The following MPC2 variants were observed in gnomAD, a reference collection of about 807,000 sequenced individuals.
MPC2 encodes brain protein 44.
In MPC2, 19 loss-of-function variants were observed where a neutral mutation model predicts 19.2. That is an observed-to-expected ratio of 0.99 (90% CI 0.69 to 1.45). MPC2 has a LOEUF of 1.45. MPC2 is among the 40% of genes most tolerant of loss of function. The pLI, the probability that MPC2 is intolerant of heterozygous loss-of-function variation, is 0.00. For missense variants in MPC2, 122 were observed against 153.0 expected, an observed-to-expected ratio of 0.80 and a Z score of 1.07; for synonymous variants, 61 against 54.3, an observed-to-expected ratio of 1.12 and a Z score of -0.54.
intron 2 of MPC2, among the ~76,000 whole-genome samples, chr1:167,931,343 G>A (rs1250040302): frequency 6.6e-6 from 1 of 152,032 alleles, no homozygotes; most frequent in Non-Finnish European, 1.5e-5. Context: ...TATACAATAG[G>A]CCCTCAATAA....
intron 2 of MPC2, among the ~76,000 whole-genome samples, chr1:167,931,361 A>G (rs1439735948): frequency 6.6e-6 from 1 of 152,210 alleles, no homozygotes; most frequent in East Asian, 1.9e-4. Context: ...TAAATATTGA[A>G]TAATTCAACC....
intron 2 of MPC2, among the ~76,000 whole-genome samples, chr1:167,933,589 A>G (rs1670974944): frequency 1.3e-5 from 2 of 152,386 alleles, no homozygotes; most frequent in South Asian, 4.1e-4. Context: ...ATATCATTTA[A>G]TAAACTCCTT....
At chr1:167,921,685 T>C (rs933885466) in intron 3 of MPC2, among the ~76,000 whole-genome samples, 8 of 152,220 alleles carry the variant, frequency 5.3e-5, no homozygotes, top group African/African-American at 1.9e-4. Context: ...ATGCCAGTTT[T>C]ACTTGTTAAT....
chr1:167,918,453 T>C, intron 5 of MPC2, 94 bp from the exon 6 acceptor site: 1 of 794,720 alleles, frequency 1.3e-6, no homozygotes, highest in Non-Finnish European at 2.0e-6. Context: ...TTCTTCTTTC[T>C]TGGTGGTCAA....
At chr1:167,927,345 A>C (rs2102546381) in intron 2 of MPC2, among the ~76,000 whole-genome samples, 3 of 152,286 alleles carry the variant, frequency 2.0e-5, no homozygotes, top group African/African-American at 7.2e-5. Flanking sequence ...AACTCTCTGG[A>C]AATTTAGGGT....
At chr1:167,925,300 C>A (rs1397111614) in intron 2 of MPC2, among the ~76,000 whole-genome samples, 2 of 151,508 alleles carry the variant, frequency 1.3e-5, no homozygotes, top group Non-Finnish European at 2.9e-5. Flanking sequence ...ACTATTCATA[C>A]TTGTACCCCT....
chr1:167,934,774 C>T (rs1055014306), intron 2 of MPC2, among the ~76,000 whole-genome samples: 11 of 152,186 alleles, frequency 7.2e-5, no homozygotes, highest in African/African-American at 2.7e-4. Flanking sequence ...CAATTTACAA[C>T]ACATTTTCTA....
intron 2 of MPC2, among the ~76,000 whole-genome samples, chr1:167,930,994 C>T (rs1670891697): frequency 6.6e-6 from 1 of 152,206 alleles, no homozygotes; most frequent in African/African-American, 2.4e-5. Flanking sequence ...TGCAGTGGCA[C>T]GATCTTGGCT....
intron 5 of MPC2, among the ~76,000 whole-genome samples, chr1:167,919,541 T>C (rs1228584042): frequency 3.9e-5 from 6 of 152,236 alleles, no homozygotes; most frequent in Admixed American, 1.3e-4. Context: ...TCACTCTACG[T>C]ATCATTTCCA....
rs538413993 is a variant in MPC2 at position 167,932,723 on chromosome 1, C to T, written c.109+3010G>A. Reference sequence around the variant, plus strand: ...ACTCAGGAGGCTGAGGCAGGAGAATCGCTTGAACCCAGGAGGCCAAGGTTG... The same window carrying T: ...ACTCAGGAGGCTGAGGCAGGAGAATTGCTTGAACCCAGGAGGCCAAGGTTG... On this transcript the variant is annotated intron_variant, in intron 2 of 5. Transcript: ENST00000271373. 1.5e-4 allele frequency among the ~76,000 whole-genome samples: 23 copies of T among 150,564 alleles called. No homozygotes were observed. In the South Asian group the frequency reaches 4.6e-3, roughly 30 times the overall value.
At position 167,919,972 on chromosome 1, in the gene MPC2, G is replaced by A. The variant is rs1670560560; in HGVS notation, c.347+7C>T. On this transcript the variant is annotated splice_region_variant and intron_variant, in intron 5 of 5. Transcript: ENST00000271373. Reference sequence around the variant, plus strand: ...AACAGTTTTAAAAATATCTCTGGTAGGCTTACCTCCAAATACGAAAAAGCT... The same window carrying A: ...AACAGTTTTAAAAATATCTCTGGTAAGCTTACCTCCAAATACGAAAAAGCT... 1 of 1,598,764 alleles carries A rather than the reference G, an allele frequency of 6.3e-7. No homozygotes were observed. The highest frequency in any genetic ancestry group is 8.5e-7 in the Non-Finnish European group (1 of 1,171,610).
At chr1:167,923,301 CCAAT>C (rs1323206164) in intron 3 of MPC2, among the ~76,000 whole-genome samples, 1 of 152,046 alleles carries the variant, frequency 6.6e-6, no homozygotes. Context: ...AACCAATTGT[CCAAT>C]CAACATATAG....
Position 167,918,317 on chromosome 1 carries a change from ACT to A in MPC2, c.*4_*5del, listed in dbSNP as rs1557850841. The A allele has an allele frequency of 6.4e-7, 1 of 1,564,740 alleles. No homozygotes were observed. The highest frequency in any genetic ancestry group is 8.8e-7 in the Non-Finnish European group (1 of 1,139,964). ...ATCTAGATTGTTCAGGTGATCAGGAACTCTTTTATTTGTGTGCTTTAGCTTTT... is the reference window on the plus strand; with the variant it reads ...ATCTAGATTGTTCAGGTGATCAGGAACTTTTATTTGTGTGCTTTAGCTTTT... On this transcript the variant is annotated 3_prime_UTR_variant, in exon 6 of 6. Transcript: ENST00000271373.
intron 1 of MPC2, chr1:167,936,607 G>A: frequency 2.8e-6 from 1 of 354,900 alleles, no homozygotes; most frequent in Non-Finnish European, 5.2e-6. Flanking sequence ...CGAGGAGAGG[G>A]AGGAGTCGCC....
At position 167,917,096 on chromosome 1, in the gene MPC2, T is replaced by A. The variant is rs971025668; in HGVS notation, c.*1227A>T. Reference sequence around the variant, plus strand: ...TGCTTTGCTGACTCATCTGACTATATTTTTAATGAGGACTGGCTTTATTAG... The same window carrying A: ...TGCTTTGCTGACTCATCTGACTATAATTTTAATGAGGACTGGCTTTATTAG... On this transcript the variant is annotated 3_prime_UTR_variant, in exon 6 of 6. Coordinates refer to ENST00000271373, the MANE Select transcript of MPC2 (RefSeq NM_001143674.4). 6.6e-6 allele frequency: 1 copy of A among 152,228 alleles called. No individual in the cohort carries two copies. Among genetic ancestry groups the A allele is most frequent in the Middle Eastern group, 3.2e-3 (1 of 316 alleles). The allele number at this position is 152,228 out of a possible 1,614,324, so 9.4% of individuals were successfully genotyped here. A position where few individuals can be genotyped will look rare whatever the true frequency, so the allele number is the denominator to read the frequency against.
Position 167,916,888 on chromosome 1 carries a change from C to A in MPC2, c.*1435G>T, listed in dbSNP as rs1329790180. On this transcript the variant is annotated 3_prime_UTR_variant, in exon 6 of 6. Transcript: ENST00000271373. ...AAATGAAAGCAATAATAGTTTGACT[C>A]TTCAGAACCTCTTCATTGTGGCCTA... is the stretch of plus-strand genomic sequence containing the variant. The A allele has an allele frequency of 6.6e-6, 1 of 152,238 alleles. No homozygotes were observed. The highest frequency in any genetic ancestry group is 2.4e-5 in the African/African-American group (1 of 41,464). 9.4% of individuals were successfully genotyped at this position (152,238 alleles called of 1,614,324 possible). A position where few individuals can be genotyped will look rare whatever the true frequency, so the allele number is the denominator to read the frequency against.
chr1:167,924,531 C>A lies in MPC2; in HGVS notation c.116G>T (p.Arg39Ile). Residue 39 changes from arginine to isoleucine, a missense_variant, in exon 3 of 6, where the codon AGA (arginine) becomes ATA (isoleucine). Transcript: ENST00000271373. ...RPLYNHPAGP[R>I]TVFFWAPIMK... ...AATTGGAGCCCAGAAGAAAACTGTT[C>A]TGGGACCTGAAAAAAAAAAGAAAAG... The A allele has an allele frequency of 6.5e-7, 1 of 1,549,870 alleles. No homozygotes were observed. Among genetic ancestry groups the A allele is most frequent in the Admixed American group, 2.2e-5 (1 of 45,430 alleles).
rs1422274902 is a variant in MPC2, at chr1:167,935,104, G to C, written c.109+629C>G. On this transcript the variant is annotated intron_variant, in intron 2 of 5. Coordinates refer to ENST00000271373, the MANE Select transcript of MPC2 (RefSeq NM_001143674.4). ...CTCAAGGTCACAACTATAAGTGGTA[G>C]AAGAGAATGATATCCAGGTCTGTCC... Among the ~76,000 whole-genome samples, 3 of 152,326 alleles carry C rather than the reference G, an allele frequency of 2.0e-5. No homozygotes were observed. The South Asian group carries it at 6.2e-4, about 32-fold the overall frequency.
intron 4 of MPC2, 86 bp downstream of exon 4, chr1:167,920,461 A>C: frequency 7.3e-7 from 1 of 1,364,490 alleles, no homozygotes; most frequent in Middle Eastern, 1.8e-4. Context: ...TATTTCAAAC[A>C]CTAAGCCACT....
Sources: gnomAD v4.1 joint callset for allele counts (sites outside exome capture counted in the v4.1 genomes callset) on GRCh38, gnomAD v4.1.1 for gene constraint, MANE v1.5 for transcripts, NCBI Gene and HGNC (gene_info 2026-07-23, HGNC 2026-07-21) for gene names.